Variants in PPP2R5B observed in about 807,000 individuals in gnomAD.
PPP2R5B encodes the protein serine/threonine-protein phosphatase 2A 56 kDa regulatory subunit beta isoform.
A neutral mutation model predicts 59.9 loss-of-function variants in PPP2R5B; 19 were observed. The observed-to-expected ratio is 0.32, with a 90% CI of 0.22 to 0.47. The LOEUF (loss-of-function observed/expected upper bound fraction) is 0.47. PPP2R5B is among the 20% of genes least tolerant of loss of function. The probability of loss-of-function intolerance (pLI) is 1.00; values close to 1 mark genes in which losing one functional copy is unlikely to be tolerated. For synonymous variants in PPP2R5B, 286 were observed against 260.5 expected (o/e 1.10, Z -0.94); for missense variants, 441 against 640.2 (o/e 0.69, Z 3.36).
chr11:64,922,981 TGAGACA>T, upstream of PPP2R5B: 1 of 152,406 alleles, frequency 6.6e-6, no homozygotes, highest in East Asian at 1.9e-4. Flanking sequence ...GTTTTGTTTT[TGAGACA>T]GGGTCTCTGT....
At position 64,933,938 on chromosome 11, in the gene PPP2R5B, C is replaced by T; in HGVS notation, c.*94C>T. On this transcript the variant is annotated 3_prime_UTR_variant, in exon 14 of 14. Coordinates refer to ENST00000164133, the MANE Select transcript of PPP2R5B (RefSeq NM_006244.4). ...GGCCCAGAGAGAAACACACCTACCC[C>T]TGGCCTTGCCAGAGTGGCTTCTGAG... is the stretch of plus-strand genomic sequence containing the variant. 1 of 1,373,650 alleles carries T rather than the reference C, an allele frequency of 7.3e-7. No homozygotes were observed. The highest frequency in any genetic ancestry group is 1.9e-5 in the South Asian group (1 of 53,548). The allele number at this position is 1,373,650 out of a possible 1,614,324, so 85.1% of individuals were successfully genotyped here.
In PPP2R5B at chr11:64,925,444, C is replaced by A; in HGVS notation, c.-264-27C>A. ...CTTTCTCTGTCTCTTTCTTGCTGAT[C>A]TTTCTGCCTGACTTCGTTTTCAAAA... On this transcript the variant is annotated intron_variant, in intron 1 of 13. Transcript: ENST00000164133. This position sits in a 1 kb window ranked among gnomAD's most constrained non-coding sequence, Gnocchi z 4.6. 1 of 338,518 alleles carries A rather than the reference C, an allele frequency of 3.0e-6. No individual in the cohort carries two copies. Among genetic ancestry groups the A allele is most frequent in the Non-Finnish European group, 5.5e-6 (1 of 181,678 alleles). The allele number at this position is 338,518 out of a possible 1,614,324, so 21.0% of individuals were successfully genotyped here. A position where few individuals can be genotyped will look rare whatever the true frequency, so the allele number is the denominator to read the frequency against.
At chr11:64,927,356 C>T (rs1273266419) in intron 3 of PPP2R5B, among the ~76,000 whole-genome samples, 1 of 152,210 alleles carries the variant, frequency 6.6e-6, no homozygotes, top group African/African-American at 2.4e-5. Flanking sequence ...ACTAGGCGTT[C>T]AGGTGATGAT....
rs749528896 is a variant in PPP2R5B, at chr11:64,928,046, TG to T, written c.499-19del. 9.3e-6 allele frequency: 15 copies of T among 1,612,256 alleles called. No individual in the cohort carries two copies. The highest frequency in any genetic ancestry group is 1.6e-4 in the Middle Eastern group (1 of 6,082). On this transcript the variant is annotated intron_variant, in intron 4 of 13. Coordinates refer to ENST00000164133, the MANE Select transcript of PPP2R5B (RefSeq NM_006244.4). ...GAGGCTGTTACTGAACTCACCTTTTTGTCTGTCCCCCTCCCCCAGCTGGTAT... is the reference window on the plus strand; with the variant it reads ...GAGGCTGTTACTGAACTCACCTTTTTTCTGTCCCCCTCCCCCAGCTGGTAT...
rs766551486 is a variant in PPP2R5B at position 64,926,865 on chromosome 11, G to A, written c.353G>A (p.Arg118Gln). The A allele has an allele frequency of 1.2e-5, 19 of 1,614,044 alleles. No homozygotes were observed. Among genetic ancestry groups the A allele is most frequent in the East Asian group, 4.5e-5 (2 of 44,892 alleles). Residue 118 changes from arginine to glutamine, a missense_variant, in exon 3 of 14, where the codon CGG (arginine) becomes CAG (glutamine). Transcript: ENST00000164133. ...NELVECVGST[R>Q]GVLIEPVYPD... Reference sequence around the variant, plus strand: ...CTGGTGGAGTGTGTGGGGAGCACCCGGGGTGTCCTCATCGAGCCCGTCTAC... The same window carrying A: ...CTGGTGGAGTGTGTGGGGAGCACCCAGGGTGTCCTCATCGAGCCCGTCTAC...
chr11:64,919,966 C>T (rs933274177), upstream of PPP2R5B, among the ~76,000 whole-genome samples: 3 of 151,958 alleles, frequency 2.0e-5, no homozygotes, highest in African/African-American at 7.3e-5. Context: ...AAAAAAGAGG[C>T]TTGGAACAGT....
Position 64,930,517 on chromosome 11 carries a change from G to A in PPP2R5B, c.819G>A (p.Glu273=), listed in dbSNP as rs1565104238. The change falls in exon 8 of 14, where the codon GAG becomes GAA. Residue 273 remains glutamate (E), a synonymous_variant. Coordinates refer to ENST00000164133, the MANE Select transcript of PPP2R5B (RefSeq NM_006244.4). ...GCTTTGCGCTGCCCCTGAAGACGGAGCACAAGCAGTTCCTGGTTCGCGTCC... is the reference window on the plus strand; with the variant it reads ...GCTTTGCGCTGCCCCTGAAGACGGAACACAAGCAGTTCCTGGTTCGCGTCC... ...INGFALPLKT[E]HKQFLVRVLI... 3 of 1,614,182 alleles carry A rather than the reference G, an allele frequency of 1.9e-6. No individual in the cohort carries two copies. The highest frequency in any genetic ancestry group is 8.5e-7 in the Non-Finnish European group (1 of 1,180,042).
rs1200290924 is a variant in PPP2R5B, at chr11:64,931,409, C to T, written c.892-27C>T. 1.2e-6 allele frequency: 2 copies of T among 1,613,342 alleles called. No individual in the cohort carries two copies. Among genetic ancestry groups the T allele is most frequent in the Non-Finnish European group, 1.7e-6 (2 of 1,179,486 alleles). ...CCTGGTGCCTTCCTGACCTGTCTTC[C>T]TTCCCTCCACCTGTCACCCCCTGCA... On this transcript the variant is annotated intron_variant, in intron 8 of 13. Transcript: ENST00000164133. This position sits in a 1 kb window ranked among gnomAD's most constrained non-coding sequence, Gnocchi z 5.0.
At chr11:64,932,734 G>A in intron 11 of PPP2R5B, 31 bp from the exon 12 acceptor site, 2 of 1,609,652 alleles carry the variant, frequency 1.2e-6, no homozygotes, top group East Asian at 2.2e-5. Context: ...GCCACTGCCA[G>A]TTAATCACTC....
In PPP2R5B at chr11:64,927,873, C is replaced by T; in HGVS notation, c.468C>T (p.Pro156=). 1 of 1,611,812 alleles carries T rather than the reference C, an allele frequency of 6.2e-7. No homozygotes were observed. The highest frequency in any genetic ancestry group is 8.5e-7 in the Non-Finnish European group (1 of 1,177,970). The part of the protein sequence containing the change: ...NPEFDPEEDE[P]NLEPSWPHLQ... ...AATTTGACCCTGAAGAGGATGAGCC[C>T]AATCTTGAGCCTTCGTGGCCACACC... The change falls in exon 4 of 14, where the codon CCC becomes CCT. Residue 156 remains proline (P), a synonymous_variant. Coordinates refer to ENST00000164133, the MANE Select transcript of PPP2R5B (RefSeq NM_006244.4).
At chr11:64,927,587 C>T in intron 3 of PPP2R5B, 1 of 559,778 alleles carries the variant, frequency 1.8e-6, no homozygotes, top group Non-Finnish European at 3.2e-6. Flanking sequence ...TACTGTAGTC[C>T]AGCTACTCAG....
chr11:64,928,675 G>A (rs1945195397), intron 6 of PPP2R5B, among the ~76,000 whole-genome samples: 1 of 152,244 alleles, frequency 6.6e-6, no homozygotes, highest in Non-Finnish European at 1.5e-5. Flanking sequence ...TACTTGGGAC[G>A]CTGAGACAAG....
intron 6 of PPP2R5B, among the ~76,000 whole-genome samples, chr11:64,929,629 G>C (rs1284491339): frequency 6.6e-6 from 1 of 152,214 alleles, no homozygotes; most frequent in Non-Finnish European, 1.5e-5. Flanking sequence ...AGGAGGCTGA[G>C]GCAGGAGAAT....
chr11:64,918,936 C>T (rs1238125691), intron 1 of PPP2R5B, among the ~76,000 whole-genome samples: 1 of 152,194 alleles, frequency 6.6e-6, no homozygotes, highest in Non-Finnish European at 1.5e-5. Flanking sequence ...CCTCTTGTGA[C>T]CCTCAGTTTT....
In PPP2R5B at chr11:64,926,703, C is replaced by T; in HGVS notation, c.200-9C>T. 1 of 1,613,234 alleles carries T rather than the reference C, an allele frequency of 6.2e-7. No individual in the cohort carries two copies. On this transcript the variant is annotated splice_polypyrimidine_tract_variant and intron_variant, in intron 2 of 13. Coordinates refer to ENST00000164133, the MANE Select transcript of PPP2R5B (RefSeq NM_006244.4). Reference sequence around the variant, plus strand: ...GGGGCCCAGGCCCAGGATGCCCTCTCCTCCCCAGATGTGCCGGCTTCCGAG... The same window carrying T: ...GGGGCCCAGGCCCAGGATGCCCTCTTCTCCCCAGATGTGCCGGCTTCCGAG...
At chr11:64,927,099 C>G (rs548575128) in intron 3 of PPP2R5B, among the ~76,000 whole-genome samples, 191 bp downstream of exon 3, 1 of 152,330 alleles carries the variant, frequency 6.6e-6, no homozygotes, top group East Asian at 1.9e-4. Context: ...CACGTCCACA[C>G]CTTTGCTTAT....
At chr11:64,933,332 C>T (rs779393937) in intron 13 of PPP2R5B, 86 bp downstream of exon 13, 198 of 1,166,638 alleles carry the variant, frequency 1.7e-4, no homozygotes, top group Non-Finnish European at 2.4e-4. Flanking sequence ...CGAGGACTAC[C>T]CCAAACTCTG....
Position 64,931,554 on chromosome 11 carries a change from C to T in PPP2R5B, c.946-5C>T. The T allele has an allele frequency of 6.2e-7, 1 of 1,614,090 alleles. No homozygotes were observed. Among genetic ancestry groups the T allele is most frequent in the Non-Finnish European group, 8.5e-7 (1 of 1,180,000 alleles). ...CAGGCGTGACTCCTGTCTCATCTCC[C>T]ACAGGTGATCCGGGGGCTGCTCAAA... On this transcript the variant is annotated splice_polypyrimidine_tract_variant and splice_region_variant and intron_variant, in intron 9 of 13. Transcript: ENST00000164133. The surrounding 1 kb of genome is among the most constrained non-coding windows in gnomAD (Gnocchi z 5.0).
upstream of PPP2R5B, among the ~76,000 whole-genome samples, chr11:64,923,775 C>T (rs550023389): frequency 6.6e-6 from 1 of 152,176 alleles, no homozygotes; most frequent in Non-Finnish European, 1.5e-5. Flanking sequence ...GCTGCTCATC[C>T]AGGCAACATT....
Sources: gnomAD v4.1 joint callset for allele counts (sites outside exome capture counted in the v4.1 genomes callset) on GRCh38, gnomAD v4.1.1 for gene constraint, Gnocchi (gnomAD v3.1) non-coding constraint, MANE v1.5 for transcripts, NCBI Gene and HGNC (gene_info 2026-07-23, HGNC 2026-07-21) for gene names.